Variants in XRCC4 observed in about 807,000 individuals in gnomAD.
XRCC4 encodes the protein X-ray repair cross complementing 4, also known as DNA repair protein XRCC4.
Under a neutral mutation model 39.1 loss-of-function variants are expected in XRCC4, and 28 were observed. The observed-to-expected ratio is 0.72, with a 90% CI of 0.53 to 0.98. The LOEUF is 0.98. Ranked by LOEUF, XRCC4 falls within the 50% of genes least tolerant of loss-of-function variation. XRCC4 has a pLI of 0.00. For synonymous variants in XRCC4, 123 were observed against 126.4 expected, an observed-to-expected ratio of 0.97 and a Z score of 0.18; for missense variants, 350 against 376.4, an observed-to-expected ratio of 0.93 and a Z score of 0.58.
chr5:83,340,295 C>T (rs1756716356), intron 7 of XRCC4, among the ~76,000 whole-genome samples: 1 of 152,118 alleles, frequency 6.6e-6, no homozygotes, highest in Non-Finnish European at 1.5e-5. Context: ...ACCACCCACC[C>T]TCTTCCCCCA....
chr5:83,252,368 A>G (rs545554529), intron 6 of XRCC4, among the ~76,000 whole-genome samples: 15 of 152,324 alleles, frequency 9.8e-5, no homozygotes, highest in African/African-American at 3.6e-4. Context: ...AGCCAAAAGC[A>G]GTCATAGTAG....
intron 1 of XRCC4, among the ~76,000 whole-genome samples, chr5:83,103,025 T>TATATATATATATATATATATATATATAC (rs943955057): frequency 1.1e-4 from 16 of 142,668 alleles, no homozygotes; most frequent in African/African-American, 4.4e-4. Flanking sequence ...TATATATATA[T>TATATATATATATATATATATATATATAC]ATATATGTCA....
At chr5:83,118,663 C>CA (rs768672372) in intron 3 of XRCC4, among the ~76,000 whole-genome samples, 2 of 152,162 alleles carry the variant, frequency 1.3e-5, no homozygotes, top group Non-Finnish European at 2.9e-5. Flanking sequence ...AGAATGTAGT[C>CA]ACATGGCTTC....
At chr5:83,219,251 G>T (rs1267653660) in intron 6 of XRCC4, among the ~76,000 whole-genome samples, 1 of 152,048 alleles carries the variant, frequency 6.6e-6, no homozygotes, top group African/African-American at 2.4e-5. Context: ...TCCAAATAAG[G>T]TTGCATTCTT....
intron 7 of XRCC4, among the ~76,000 whole-genome samples, chr5:83,323,864 T>A (rs1756158938): frequency 6.6e-6 from 1 of 152,124 alleles, no homozygotes; most frequent in African/African-American, 2.4e-5. Flanking sequence ...GAAGATTTAC[T>A]GTGGTATAGA....
intron 1 of XRCC4, among the ~76,000 whole-genome samples, chr5:83,081,180 C>T (rs1744924534): frequency 6.6e-6 from 1 of 152,132 alleles, no homozygotes; most frequent in Non-Finnish European, 1.5e-5. Flanking sequence ...GTTGGTATTG[C>T]ATTTGTATCA....
At chr5:83,081,304 T>C (rs184866591) in intron 1 of XRCC4, among the ~76,000 whole-genome samples, 1 of 152,354 alleles carries the variant, frequency 6.6e-6, no homozygotes, top group East Asian at 1.9e-4. Flanking sequence ...GTTATTCACA[T>C]ATATTGAAAG....
chr5:83,258,441 C>A, intron 6 of XRCC4, 89 bp from the exon 7 acceptor site: 3 of 1,457,668 alleles, frequency 2.1e-6, no homozygotes, highest in South Asian at 1.2e-5. Flanking sequence ...TTAATTGTCA[C>A]CTTATGTCAA....
At chr5:83,078,863 T>A (rs946719111) in intron 1 of XRCC4, among the ~76,000 whole-genome samples, 1 of 152,222 alleles carries the variant, frequency 6.6e-6, no homozygotes, top group Non-Finnish European at 1.5e-5. Context: ...ATAAAAAAAG[T>A]CTTTTAATGT....
At position 83,193,459 on chromosome 5, in the gene XRCC4, A is replaced by G. The variant is rs1750801247; in HGVS notation, c.316-2311A>G. Among the ~76,000 whole-genome samples, 3 of 152,198 alleles carry G rather than the reference A, an allele frequency of 2.0e-5. No individual in the cohort carries two copies. In the South Asian group the frequency reaches 6.2e-4, roughly 32 times the overall value. Reference sequence around the variant, plus strand: ...TTGTATACTTTTAAGAAGAAATGACATTTCATGTTTATTTTACACTGATTA... The same window carrying G: ...TTGTATACTTTTAAGAAGAAATGACGTTTCATGTTTATTTTACACTGATTA... On this transcript the variant is annotated intron_variant, in intron 3 of 7. Coordinates refer to ENST00000396027, the MANE Select transcript of XRCC4 (RefSeq NM_003401.5).
intron 3 of XRCC4, among the ~76,000 whole-genome samples, chr5:83,135,010 A>G (rs1025821436): frequency 2.0e-5 from 3 of 152,144 alleles, no homozygotes; most frequent in African/African-American, 7.2e-5. Flanking sequence ...TGGACACACC[A>G]TCTTTAAGAA....
chr5:83,236,814 C>A (rs1490390410), intron 6 of XRCC4, among the ~76,000 whole-genome samples: 4 of 150,978 alleles, frequency 2.6e-5, no homozygotes, highest in African/African-American at 9.7e-5. Flanking sequence ...TACAAATCAC[C>A]CAGCAAGGGA....
intron 6 of XRCC4, among the ~76,000 whole-genome samples, chr5:83,251,034 A>C (rs776662604): frequency 2.6e-5 from 4 of 152,160 alleles, no homozygotes; most frequent in Admixed American, 1.3e-4. Context: ...TTTTGAATGC[A>C]TGCTTGTAGT....
chr5:83,078,035 A>T (rs28383119), intron 1 of XRCC4, among the ~76,000 whole-genome samples: 1 of 152,312 alleles, frequency 6.6e-6, no homozygotes, highest in East Asian at 1.9e-4. Flanking sequence ...CCAACCAGGC[A>T]TCGAGGCTGA....
At chr5:83,338,274 GAA>G (rs1171124501) in intron 7 of XRCC4, among the ~76,000 whole-genome samples, 1 of 152,192 alleles carries the variant, frequency 6.6e-6, no homozygotes, top group East Asian at 1.9e-4. Context: ...GGAAAGAAGT[GAA>G]AGACAAGGAG....
intron 3 of XRCC4, among the ~76,000 whole-genome samples, chr5:83,195,522 A>G (rs978371641): frequency 6.6e-6 from 1 of 152,148 alleles, no homozygotes; most frequent in Non-Finnish European, 1.5e-5. Context: ...CTTTTCTGCT[A>G]GGAGATGGAA....
chr5:83,116,607 TC>T (rs1746722483), intron 3 of XRCC4, among the ~76,000 whole-genome samples: 1 of 78,018 alleles, frequency 1.3e-5, no homozygotes, highest in Non-Finnish European at 2.3e-5. Context: ...TTTCTCTCTC[TC>T]TTTTTTTTTT....
rs537766877 is a variant in XRCC4, at chr5:83,307,603, A to C, written c.894-45528A>C. ...TGATTATCAGAAAGCTTTACATCCA[A>C]GTGGTAAGAATCTTGAGTTGGTGAA... On this transcript the variant is annotated intron_variant, in intron 7 of 7. Transcript: ENST00000396027. 2.0e-5 allele frequency among the ~76,000 whole-genome samples: 3 copies of C among 152,350 alleles called. No homozygotes were observed. The East Asian group carries it at 5.8e-4, about 29-fold the overall frequency.
At chr5:83,273,918 C>A (rs556402103) in intron 7 of XRCC4, among the ~76,000 whole-genome samples, 1 of 151,234 alleles carries the variant, frequency 6.6e-6, no homozygotes, top group African/African-American at 2.4e-5. Flanking sequence ...TTTTTTGTTC[C>A]GTGTGGCCGT....
Sources: gnomAD v4.1 joint callset for allele counts (sites outside exome capture counted in the v4.1 genomes callset) on GRCh38, gnomAD v4.1.1 for gene constraint, MANE v1.5 for transcripts, NCBI Gene and HGNC (gene_info 2026-07-23, HGNC 2026-07-21) for gene names.